KDM2B: variants seen among roughly 807,000 people sequenced by gnomAD.
KDM2B encodes lysine-specific demethylase 2B.
Under a neutral mutation model 150.0 loss-of-function variants are expected in KDM2B, and 26 were observed. The observed-to-expected ratio is 0.17, with a 90% confidence interval of 0.13 to 0.24. The LOEUF (loss-of-function observed/expected upper bound fraction) is 0.24, where lower values mean the gene tolerates loss of function less well. Among genes scored for constraint, KDM2B ranks in the 10% least tolerant of loss-of-function variants. KDM2B has a pLI of 1.00. For synonymous variants in KDM2B, 734 were observed against 729.5 expected (o/e 1.01, Z -0.10); for missense variants, 1,265 against 1,816.9 (o/e 0.70, Z 5.52).
intron 4 of KDM2B, among the ~76,000 whole-genome samples, chr12:121,558,594 C>T (rs1334679512): frequency 6.6e-6 from 1 of 151,952 alleles, no homozygotes. Context: ...GCTGGGACTA[C>T]AGGCGCATGC....
rs1880206783 is a variant in KDM2B, at chr12:121,467,437, C to T, written c.1735-14093G>A. ...CGGGGCGCCATGCATATGCATGAGGCGAGCCAGGAAGGGGCTGGCCCCCCG... is the reference window on the plus strand; with the variant it reads ...CGGGGCGCCATGCATATGCATGAGGTGAGCCAGGAAGGGGCTGGCCCCCCG... On this transcript the variant is annotated intron_variant, in intron 12 of 22. Transcript: ENST00000377071. The surrounding 1 kb of genome is among the most constrained non-coding windows in gnomAD (Gnocchi z 5.1). The T allele has an allele frequency of 1.3e-6, 1 of 794,626 alleles. No individual in the cohort carries two copies. 49.2% of individuals were successfully genotyped at this position (794,626 alleles called of 1,614,324 possible). A position where few individuals can be genotyped will look rare whatever the true frequency, so the allele number is the denominator to read the frequency against.
intron 11 of KDM2B, among the ~76,000 whole-genome samples, chr12:121,497,744 T>C (rs1884126839): frequency 6.6e-6 from 1 of 152,120 alleles, no homozygotes; most frequent in Non-Finnish European, 1.5e-5. Flanking sequence ...AGAAGACTGA[T>C]GAGACTAAAT....
intron 6 of KDM2B, among the ~76,000 whole-genome samples, chr12:121,547,373 G>A (rs949833205): frequency 6.6e-6 from 1 of 152,222 alleles, no homozygotes; most frequent in East Asian, 1.9e-4. Context: ...TAAAGAAAGA[G>A]AGAGAGAGAG....
At position 121,578,807 on chromosome 12, in the gene KDM2B, C is replaced by A; in HGVS notation, c.266G>T (p.Gly89Val). 1 of 1,567,302 alleles carries A rather than the reference C, an allele frequency of 6.4e-7. No homozygotes were observed. The highest frequency in any genetic ancestry group is 8.7e-7 in the Non-Finnish European group (1 of 1,152,862). Residue 89 changes from glycine to valine, a missense_variant, in exon 2 of 23, where the codon GGC becomes GTC. Around this residue, in one of 11 missense-constraint regions of KDM2B, gnomAD observed 214 missense variants for 447.4 expected, o/e 0.48. Transcript: ENST00000377071. The stretch of plus-strand genomic sequence containing the variant: ...CCGGGGTGGGGGCGCCTCACCTTTG[C>A]CCTCCATGGCGTGCACGAAGTCCCC... ...YQGDFVHAME[G>V]KDFNYEYVQR...
chr12:121,533,628 C>CAAA lies in KDM2B; in HGVS notation c.778-670_778-669insTTT, dbSNP rs1887843128. Among the ~76,000 whole-genome samples, 20 of 152,316 alleles carry CAAA rather than the reference C, an allele frequency of 1.3e-4. No homozygotes were observed. Among genetic ancestry groups the CAAA allele is most frequent in the Admixed American group, 7.2e-4 (11 of 15,294 alleles). On this transcript the variant is annotated intron_variant, in intron 7 of 22. Coordinates refer to ENST00000377071, the MANE Select transcript of KDM2B (RefSeq NM_032590.5). The surrounding 1 kb of genome is among the most constrained non-coding windows in gnomAD (Gnocchi z 4.1). ...ACTTTAAAGTAAAAAGGTCCCAGGG[C>CAAA]AGGAGCTGAGATGACAGCCAGAGAA... is the stretch of plus-strand genomic sequence containing the variant.
chr12:121,533,167 C>G lies in KDM2B; in HGVS notation c.778-208G>C, dbSNP rs1887807151. 6.6e-6 allele frequency among the ~76,000 whole-genome samples: 1 copy of G among 152,194 alleles called. No individual in the cohort carries two copies. The highest frequency in any genetic ancestry group is 2.1e-4 in the South Asian group (1 of 4,832). On this transcript the variant is annotated intron_variant, in intron 7 of 22. Coordinates refer to ENST00000377071, the MANE Select transcript of KDM2B (RefSeq NM_032590.5). This position sits in a 1 kb window ranked among gnomAD's most constrained non-coding sequence, Gnocchi z 4.1. ...GGGAGGCAGGAAGGGCTGTGCCCAC[C>G]TTCAGGGAACCTCCATTCCTGCTGA... is the stretch of plus-strand genomic sequence containing the variant.
intron 13 of KDM2B, among the ~76,000 whole-genome samples, chr12:121,448,450 G>A (rs557554115): frequency 6.7e-6 from 1 of 148,810 alleles, no homozygotes; most frequent in East Asian, 2.0e-4. Context: ...TAAAAGAAAA[G>A]CTCTTTAGGG....
At chr12:121,484,375 C>T (rs1240628169) in intron 12 of KDM2B, among the ~76,000 whole-genome samples, 1 of 151,982 alleles carries the variant, frequency 6.6e-6, no homozygotes, top group African/African-American at 2.4e-5. Context: ...TAAGCAAAGA[C>T]AGAGGTGGAC....
chr12:121,489,089 T>C (rs1369099132), intron 12 of KDM2B, among the ~76,000 whole-genome samples: 3 of 151,638 alleles, frequency 2.0e-5, no homozygotes, highest in African/African-American at 7.3e-5. Context: ...ATTACAGGTA[T>C]GAGCCACCAT....
At chr12:121,559,588 A>C (rs1890185046) in intron 4 of KDM2B, among the ~76,000 whole-genome samples, 1 of 152,068 alleles carries the variant, frequency 6.6e-6, no homozygotes, top group African/African-American at 2.4e-5. Flanking sequence ...GAATCCAGAG[A>C]GTGAAAGAGA....
intron 12 of KDM2B, among the ~76,000 whole-genome samples, chr12:121,485,169 GAGCCTTTGTTATGA>G (rs1449092818): frequency 6.6e-6 from 1 of 152,090 alleles, no homozygotes; most frequent in Non-Finnish European, 1.5e-5. Flanking sequence ...TTTCTGTCAT[GAGCCTTTGTTATGA>G]AGCCCTAGTC....
At position 121,453,462 on chromosome 12, in the gene KDM2B, AC is replaced by A; in HGVS notation, c.1735-119del. Reference sequence around the variant, plus strand: ...CAGAAAGACACGATGGGGGCTCTAAACCCCATTCCTCAGAGTGTGATCTTTA... The same window carrying A: ...CAGAAAGACACGATGGGGGCTCTAAACCCATTCCTCAGAGTGTGATCTTTA... On this transcript the variant is annotated intron_variant, in intron 12 of 22. Coordinates refer to ENST00000377071, the MANE Select transcript of KDM2B (RefSeq NM_032590.5). The surrounding 1 kb of genome is among the most constrained non-coding windows in gnomAD (Gnocchi z 6.4). 1 of 705,840 alleles carries A rather than the reference AC, an allele frequency of 1.4e-6. No homozygotes were observed. The highest frequency in any genetic ancestry group is 1.8e-5 in the African/African-American group (1 of 55,734). 43.7% of individuals were successfully genotyped at this position (705,840 alleles called of 1,614,324 possible). A position where few individuals can be genotyped will look rare whatever the true frequency, so the allele number is the denominator to read the frequency against.
rs189858840 is a variant in KDM2B at position 121,520,699 on chromosome 12, A to C, written c.1047+286T>G. ...TGAGGAGGAAGAGGCAGGTCCCTGAAATCTCACGGTGCTTTCTCAGAGACA... is the reference window on the plus strand; with the variant it reads ...TGAGGAGGAAGAGGCAGGTCCCTGACATCTCACGGTGCTTTCTCAGAGACA... On this transcript the variant is annotated intron_variant, in intron 9 of 22. Coordinates refer to ENST00000377071, the MANE Select transcript of KDM2B (RefSeq NM_032590.5). The surrounding 1 kb of genome is among the most constrained non-coding windows in gnomAD (Gnocchi z 4.5). Among the ~76,000 whole-genome samples, 2 of 152,226 alleles carry C rather than the reference A, an allele frequency of 1.3e-5. No homozygotes were observed. Among genetic ancestry groups the C allele is most frequent in the African/African-American group, 4.8e-5 (2 of 41,544 alleles).
Position 121,430,515 on chromosome 12 carries a change from G to C in KDM2B, c.3830-46C>G. On this transcript the variant is annotated intron_variant, in intron 22 of 22. Transcript: ENST00000377071. The surrounding 1 kb of genome is among the most constrained non-coding windows in gnomAD (Gnocchi z 4.4). Reference sequence around the variant, plus strand: ...TGTGAGGTGTGAAGGCCAGGAGCCAGAAGCCCCCCCGCCGCCAGACCCAGG... The same window carrying C: ...TGTGAGGTGTGAAGGCCAGGAGCCACAAGCCCCCCCGCCGCCAGACCCAGG... 1 of 1,485,956 alleles carries C rather than the reference G, an allele frequency of 6.7e-7. No individual in the cohort carries two copies. The highest frequency in any genetic ancestry group is 9.4e-7 in the Non-Finnish European group (1 of 1,064,422). 92.0% of individuals were successfully genotyped at this position (1,485,956 alleles called of 1,614,324 possible).
intron 9 of KDM2B, chr12:121,516,754 G>T (rs1404983217): frequency 1.5e-6 from 1 of 655,982 alleles, no homozygotes; most frequent in Non-Finnish European, 2.7e-6. Flanking sequence ...GTGACCTCAG[G>T]AGATGACAAC....
intron 12 of KDM2B, among the ~76,000 whole-genome samples, chr12:121,493,635 G>A (rs1883595806): frequency 6.6e-6 from 1 of 152,094 alleles, no homozygotes; most frequent in South Asian, 2.1e-4. Flanking sequence ...TTGTGTACTT[G>A]GCTGTCCTAA....
At position 121,554,182 on chromosome 12, in the gene KDM2B, G is replaced by A. The variant is rs893074179; in HGVS notation, c.398-4544C>T. 3.3e-5 allele frequency among the ~76,000 whole-genome samples: 5 copies of A among 151,688 alleles called. No homozygotes were observed. In the East Asian group the frequency reaches 7.7e-4, roughly 23 times the overall value. On this transcript the variant is annotated intron_variant, in intron 4 of 22. Coordinates refer to ENST00000377071, the MANE Select transcript of KDM2B (RefSeq NM_032590.5). ...AGCGTCAGGAGGTTGAGGCTCCAGT[G>A]AGCCATGATCGTGCCACTGCACTCC...
intron 4 of KDM2B, among the ~76,000 whole-genome samples, chr12:121,551,835 G>A (rs1006122960): frequency 2.0e-5 from 3 of 152,246 alleles, no homozygotes; most frequent in Non-Finnish European, 4.4e-5. Context: ...TTACAGGTGT[G>A]AGCCACCGCG....
intron 12 of KDM2B, among the ~76,000 whole-genome samples, chr12:121,482,431 T>G (rs1205169782): frequency 6.6e-6 from 1 of 152,246 alleles, no homozygotes; most frequent in East Asian, 1.9e-4. Context: ...GCCTCCTGGG[T>G]AGCTGGGATT....
Sources: gnomAD v4.1 joint callset for allele counts (sites outside exome capture counted in the v4.1 genomes callset) on GRCh38, gnomAD v4.1.1 for gene constraint, gnomAD v4.1.1 regional missense constraint, Gnocchi (gnomAD v3.1) non-coding constraint, MANE v1.5 for transcripts, NCBI Gene and HGNC (gene_info 2026-07-23, HGNC 2026-07-21) for gene names.